TTLL12: variants seen among roughly 807,000 people sequenced by gnomAD.
The protein encoded by TTLL12 is tubulin--tyrosine ligase-like protein 12.
TTLL12 carries 77 observed loss-of-function variants against 79.6 expected under a neutral mutation model. That is an observed-to-expected ratio of 0.97 (90% CI 0.81 to 1.17). The LOEUF (loss-of-function observed/expected upper bound fraction) is 1.17, where lower values mean the gene tolerates loss of function less well. Ranked by LOEUF, TTLL12 falls within the 50% of genes most tolerant of loss-of-function variation. The pLI is 0.00. For synonymous variants in TTLL12, 437 were observed against 376.1 expected (o/e 1.16, Z -1.87); for missense variants, 969 against 895.9 (o/e 1.08, Z -1.04).
At chr22:43,186,863 G>C in intron 1 of TTLL12, 30 bp downstream of exon 1, 1 of 1,250,056 alleles carries the variant, frequency 8.0e-7, no homozygotes. Flanking sequence ...CACCCCGGCC[G>C]CCGCACGTGC....
intron 1 of TTLL12, among the ~76,000 whole-genome samples, chr22:43,184,226 C>T (rs912574951): frequency 4.6e-5 from 7 of 152,268 alleles, no homozygotes; most frequent in Non-Finnish European, 1.0e-4. Flanking sequence ...TTTCCCACTA[C>T]TCGATTAAAA....
intron 1 of TTLL12, among the ~76,000 whole-genome samples, chr22:43,183,684 C>T (rs1932114344): frequency 6.6e-6 from 1 of 152,230 alleles, no homozygotes; most frequent in Admixed American, 6.5e-5. Context: ...GGAAGCGAGG[C>T]CCCAGGTCAA....
intron 3 of TTLL12, 45 bp downstream of exon 3, chr22:43,180,697 C>T: frequency 6.3e-7 from 1 of 1,596,032 alleles, no homozygotes; most frequent in Non-Finnish European, 8.6e-7. Context: ...GAGGTCTGTG[C>T]CCATGCCTGT....
Position 43,168,151 on chromosome 22 carries a change from C to A in TTLL12, c.1792G>T (p.Val598Leu), listed in dbSNP as rs1449985399. 1 of 1,614,030 alleles carries A rather than the reference C, an allele frequency of 6.2e-7. No homozygotes were observed. The highest frequency in any genetic ancestry group is 8.5e-7 in the Non-Finnish European group (1 of 1,179,930). Residue 598 changes from valine (V) to leucine (L), a missense_variant, in exon 14 of 14, where the codon GTG (valine) becomes TTG (leucine). Coordinates refer to ENST00000216129, the MANE Select transcript of TTLL12 (RefSeq NM_015140.4). ...ACCTCCAGGATCTGCGGCTGCATCA[C>A]CCGCCTTCCTGATGGCAAAGAGCGC... Reference protein sequence around the residue: ...KWDNGPDGRRVMQPQILEVNF... With the variant: ...KWDNGPDGRRLMQPQILEVNF...
At chr22:43,182,296 G>C (rs1311621507) in intron 2 of TTLL12, among the ~76,000 whole-genome samples, 1 of 152,236 alleles carries the variant, frequency 6.6e-6, no homozygotes, top group Non-Finnish European at 1.5e-5. Flanking sequence ...GTGCTGGGCT[G>C]TCCGTATTTC....
At position 43,167,972 on chromosome 22, in the gene TTLL12, C is replaced by G. The variant is rs1228617323; in HGVS notation, c.*36G>C. The G allele has an allele frequency of 6.2e-7, 1 of 1,601,518 alleles. No individual in the cohort carries two copies. Among genetic ancestry groups the G allele is most frequent in the African/African-American group, 1.3e-5 (1 of 74,772 alleles). The stretch of plus-strand genomic sequence containing the variant: ...CAGCTCAGAGAACTGAGGTTGGAAT[C>G]CTGCCCCAAGCACAGGTTTTGGGGA... On this transcript the variant is annotated 3_prime_UTR_variant, in exon 14 of 14. Coordinates refer to ENST00000216129, the MANE Select transcript of TTLL12 (RefSeq NM_015140.4).
chr22:43,186,816 C>A, intron 1 of TTLL12, 77 bp downstream of exon 1: 1 of 1,204,480 alleles, frequency 8.3e-7, no homozygotes, highest in South Asian at 3.5e-5. Context: ...CGGGAGCGCT[C>A]TTCCCTGTCC....
At position 43,174,407 on chromosome 22, in the gene TTLL12, C is replaced by T. The variant is rs1180565108; in HGVS notation, c.1035-4G>A. 1.9e-6 allele frequency: 3 copies of T among 1,559,788 alleles called. No individual in the cohort carries two copies. The South Asian group carries it at 3.6e-5, about 19-fold the overall frequency. The stretch of plus-strand genomic sequence containing the variant: ...TGGCCTCTCCTGGCTGAGTTTCCTG[C>T]AGGGCGGAGGCAGGTGCGCCAGCTC... On this transcript the variant is annotated splice_region_variant and splice_polypyrimidine_tract_variant and intron_variant, in intron 7 of 13. Transcript: ENST00000216129.
At chr22:43,186,865 C>G (rs1045032570) in intron 1 of TTLL12, 28 bp downstream of exon 1, 76 of 1,254,952 alleles carry the variant, frequency 6.1e-5, no homozygotes, top group Non-Finnish European at 7.4e-5. Flanking sequence ...CCCCGGCCGC[C>G]GCACGTGCCC....
intron 6 of TTLL12, 129 bp from the exon 7 acceptor site, chr22:43,174,744 G>C (rs113731291): frequency 1.5e-6 from 1 of 683,746 alleles, no homozygotes; most frequent in African/African-American, 1.8e-5. Context: ...TCCTGGGTTC[G>C]AGTCATGATG....
intron 9 of TTLL12, among the ~76,000 whole-genome samples, chr22:43,173,432 T>G (rs1174509662): frequency 6.6e-6 from 1 of 152,178 alleles, no homozygotes; most frequent in Non-Finnish European, 1.5e-5. Flanking sequence ...TGCCTTAGCC[T>G]CCTGAGAAGC....
At chr22:43,181,545 T>A (rs373944870) in intron 2 of TTLL12, among the ~76,000 whole-genome samples, 1 of 152,232 alleles carries the variant, frequency 6.6e-6, no homozygotes, top group South Asian at 2.1e-4. Context: ...CCCCTGCAGC[T>A]GAGCTGCTAC....
chr22:43,179,609 AG>A lies in TTLL12; in HGVS notation c.840+9del. ...AGCAGACAGGCCTGGTGGGTGGAGG[AG>A]GGCTGCACCTGGTAGTGCTCGGCGG... On this transcript the variant is annotated intron_variant, in intron 5 of 13. Coordinates refer to ENST00000216129, the MANE Select transcript of TTLL12 (RefSeq NM_015140.4). 6.4e-7 allele frequency: 1 copy of A among 1,565,650 alleles called. No individual in the cohort carries two copies. The highest frequency in any genetic ancestry group is 8.6e-7 in the Non-Finnish European group (1 of 1,158,018).
intron 5 of TTLL12, among the ~76,000 whole-genome samples, chr22:43,177,576 AC>A (rs1931947998): frequency 6.6e-6 from 1 of 152,130 alleles, no homozygotes; most frequent in South Asian, 2.1e-4. Flanking sequence ...CCCTCGGATC[AC>A]TTGCTCTGGG....
chr22:43,182,429 G>A (rs1439861266), intron 2 of TTLL12, among the ~76,000 whole-genome samples: 1 of 152,234 alleles, frequency 6.6e-6, no homozygotes, highest in Non-Finnish European at 1.5e-5. Context: ...GTTTCTCTGA[G>A]GGTCCACAAA....
At position 43,167,397 on chromosome 22, in the gene TTLL12, G is replaced by A. The variant is rs1216462987; in HGVS notation, c.*611C>T. Reference sequence around the variant, plus strand: ...CTCAGCAGGAGGTTTGCTGGTGAAGGTTCTGGGTGAGCTGGAATGGGTGAT... The same window carrying A: ...CTCAGCAGGAGGTTTGCTGGTGAAGATTCTGGGTGAGCTGGAATGGGTGAT... On this transcript the variant is annotated 3_prime_UTR_variant, in exon 14 of 14. Transcript: ENST00000216129. The A allele has an allele frequency of 3.2e-6, 1 of 307,808 alleles. No homozygotes were observed. Among genetic ancestry groups the A allele is most frequent in the Admixed American group, 4.7e-5 (1 of 21,380 alleles). 19.1% of individuals were successfully genotyped at this position (307,808 alleles called of 1,614,324 possible). A position where few individuals can be genotyped will look rare whatever the true frequency, so the allele number is the denominator to read the frequency against.
chr22:43,174,292 C>A lies in TTLL12; in HGVS notation c.1146G>T (p.Glu382Asp). The change falls in exon 8 of 14, where the codon GAG (glutamate) becomes GAT (aspartate). Residue 382 changes from glutamate to aspartate, a missense_variant. Glu to Asp is a conservative substitution (Grantham distance 45). Coordinates refer to ENST00000216129, the MANE Select transcript of TTLL12 (RefSeq NM_015140.4). ...ASIARRAGGP[E>D]GPPWLPRTFN... Reference sequence around the variant, plus strand: ...AGGTTCGGGGCAGCCAGGGTGGGCCCTCGGGGCCACCTGCCCGGCGCGCGA... The same window carrying A: ...AGGTTCGGGGCAGCCAGGGTGGGCCATCGGGGCCACCTGCCCGGCGCGCGA... 6.2e-7 allele frequency: 1 copy of A among 1,611,092 alleles called. No individual in the cohort carries two copies. The highest frequency in any genetic ancestry group is 8.5e-7 in the Non-Finnish European group (1 of 1,179,504).
chr22:43,172,493 T>G lies in TTLL12; in HGVS notation c.1403A>C (p.Lys468Thr). Residue 468 changes from lysine to threonine, a missense_variant, in exon 10 of 14, where the codon AAG (lysine) becomes ACG (threonine). Coordinates refer to ENST00000216129, the MANE Select transcript of TTLL12 (RefSeq NM_015140.4). ...LFLREDVGKV[K>T]FDIRYIVLLR... ...CAGCACGATGTAGCGGATGTCGAAC[T>G]TGACCTTTCCCACGTCTTCTCGAAG... 1 of 1,614,118 alleles carries G rather than the reference T, an allele frequency of 6.2e-7. No individual in the cohort carries two copies. The highest frequency in any genetic ancestry group is 8.5e-7 in the Non-Finnish European group (1 of 1,180,026).
rs994224590 is a variant in TTLL12, at chr22:43,167,341, C to T, written c.*667G>A. The T allele has an allele frequency of 4.6e-5, 16 of 344,496 alleles. No individual in the cohort carries two copies. In the East Asian group the frequency reaches 6.5e-4, roughly 14 times the overall value. 21.3% of individuals were successfully genotyped at this position (344,496 alleles called of 1,614,324 possible). ...TGACCCTCAGCAAACGAAAAGGAAA[C>T]GGTAACAAGACGGTGGCCTCCTGCC... is the stretch of plus-strand genomic sequence containing the variant. On this transcript the variant is annotated 3_prime_UTR_variant, in exon 14 of 14. Coordinates refer to ENST00000216129, the MANE Select transcript of TTLL12 (RefSeq NM_015140.4).
Sources: gnomAD v4.1 joint callset for allele counts (sites outside exome capture counted in the v4.1 genomes callset) on GRCh38, gnomAD v4.1.1 for gene constraint, MANE v1.5 for transcripts, NCBI Gene and HGNC (gene_info 2026-07-23, HGNC 2026-07-21) for gene names.